Variants in AXDND1 observed in about 807,000 individuals in gnomAD.
AXDND1 encodes axonemal dynein light chain domain containing 1.
A neutral mutation model predicts 137.5 loss-of-function variants in AXDND1; 110 were observed. The ratio of observed to expected loss-of-function variants is 0.80; its 90% CI spans 0.69 to 0.94. AXDND1 has a LOEUF of 0.94. Ranked by LOEUF, AXDND1 falls within the 40% of genes least tolerant of loss-of-function variation. The pLI is 0.00. For missense variants in AXDND1, 1,191 were observed against 1,169.8 expected (o/e 1.02, Z -0.26); for synonymous variants, 414 against 399.7 (o/e 1.04, Z -0.43).
At chr1:179,453,243 G>A (rs1285384056) in intron 16 of AXDND1, 1 of 152,268 alleles carries the variant, frequency 6.6e-6, no homozygotes, top group African/African-American at 2.4e-5. Flanking sequence ...CCCACACAGA[G>A]TCTCTACTGG....
At chr1:179,551,443 A>T in intron 25 of AXDND1, 1 of 1,613,324 alleles carries the variant, frequency 6.2e-7, no homozygotes, top group East Asian at 2.2e-5. Context: ...CCGCTTCTGC[A>T]GCAATCATCT....
intron 23 of AXDND1, chr1:179,533,053 T>A (rs1671172579): frequency 6.6e-6 from 1 of 152,148 alleles, no homozygotes; most frequent in Non-Finnish European, 1.5e-5. Flanking sequence ...CGGATCATGC[T>A]GTGATTGTGG....
chr1:179,532,035 T>C (rs1330345496), intron 23 of AXDND1, among the ~76,000 whole-genome samples: 1 of 152,322 alleles, frequency 6.6e-6, no homozygotes, highest in South Asian at 2.1e-4. Flanking sequence ...ATATGGTTGA[T>C]GCATGGGGGA....
At chr1:179,478,350 A>G (rs578048336) in intron 17 of AXDND1, among the ~76,000 whole-genome samples, 2 of 152,350 alleles carry the variant, frequency 1.3e-5, no homozygotes, top group South Asian at 2.1e-4. Context: ...CTGCCTGGAC[A>G]TCCAGTCATT....
chr1:179,434,133 G>A (rs1657790865), intron 15 of AXDND1, among the ~76,000 whole-genome samples: 1 of 151,868 alleles, frequency 6.6e-6, no homozygotes, highest in South Asian at 2.1e-4. Flanking sequence ...TTTGATCTTT[G>A]TTGGTTTAAG....
chr1:179,411,118 T>G (rs773719814), intron 11 of AXDND1, 28 bp from the exon 12 acceptor site: 1 of 1,496,792 alleles, frequency 6.7e-7, no homozygotes, highest in Non-Finnish European at 9.1e-7. Context: ...ATAAATTAAA[T>G]GAAGCTGTTT....
At chr1:179,483,260 T>G (rs1255777539) in intron 18 of AXDND1, 39 bp downstream of exon 18, 2 of 1,445,638 alleles carry the variant, frequency 1.4e-6, no homozygotes, top group East Asian at 2.4e-5. Flanking sequence ...ATATTTTGCC[T>G]CGGCTGGCAA....
At chr1:179,385,487 C>A (rs144196620) in intron 9 of AXDND1, 128 bp downstream of exon 9, 2 of 1,080,944 alleles carry the variant, frequency 1.9e-6, no homozygotes, top group African/African-American at 1.6e-5. Context: ...AATCTAACTG[C>A]ATTTTTTTTT....
chr1:179,539,925 T>G (rs919175957), intron 25 of AXDND1, among the ~76,000 whole-genome samples: 3 of 151,990 alleles, frequency 2.0e-5, no homozygotes, highest in Non-Finnish European at 4.4e-5. Context: ...TCTTCTCTCT[T>G]TATTTTATTA....
In AXDND1 at chr1:179,394,059, A is replaced by G; in HGVS notation, c.1004+16A>G. ...AACTGACCAGGTAAAAACTGTGATTATCTTAAACACAAAACAAAAGTCAAT... is the reference window on the plus strand; with the variant it reads ...AACTGACCAGGTAAAAACTGTGATTGTCTTAAACACAAAACAAAAGTCAAT... On this transcript the variant is annotated intron_variant, in intron 10 of 25. Coordinates refer to ENST00000367618, the MANE Select transcript of AXDND1 (RefSeq NM_144696.6). 1 of 1,578,976 alleles carries G rather than the reference A, an allele frequency of 6.3e-7. No homozygotes were observed. The highest frequency in any genetic ancestry group is 8.6e-7 in the Non-Finnish European group (1 of 1,165,690).
intron 20 of AXDND1, among the ~76,000 whole-genome samples, chr1:179,504,362 C>T (rs1668325935): frequency 6.6e-6 from 1 of 152,118 alleles, no homozygotes; most frequent in Admixed American, 6.6e-5. Context: ...CTGATTTTGG[C>T]AGGCTGGACC....
chr1:179,442,238 C>G (rs1195724995), intron 15 of AXDND1, among the ~76,000 whole-genome samples: 1 of 152,142 alleles, frequency 6.6e-6, no homozygotes, highest in Non-Finnish European at 1.5e-5. Flanking sequence ...CACTTTTTAT[C>G]CTCCCTCTCC....
At chr1:179,504,449 G>C (rs573967551) in intron 20 of AXDND1, among the ~76,000 whole-genome samples, 12 of 152,210 alleles carry the variant, frequency 7.9e-5, no homozygotes, top group Admixed American at 2.6e-4. Context: ...AGTGGGTAGA[G>C]CTCTGTGTGG....
At chr1:179,541,442 G>T (rs975590760) in intron 25 of AXDND1, among the ~76,000 whole-genome samples, 4 of 150,228 alleles carry the variant, frequency 2.7e-5, no homozygotes, top group African/African-American at 7.4e-5. Flanking sequence ...GACTGGAGCT[G>T]TTCCTATTTG....
chr1:179,470,669 A>G (rs1663807665), intron 17 of AXDND1, among the ~76,000 whole-genome samples: 1 of 152,018 alleles, frequency 6.6e-6, no homozygotes, highest in South Asian at 2.1e-4. Flanking sequence ...ATTAGTTGCA[A>G]TAATTTTTTA....
intron 25 of AXDND1, among the ~76,000 whole-genome samples, chr1:179,548,340 G>T (rs1672836775): frequency 6.6e-6 from 1 of 152,178 alleles, no homozygotes; most frequent in Admixed American, 6.5e-5. Flanking sequence ...AACTCTGTGA[G>T]GTGGATCCTA....
At chr1:179,516,944 G>A (rs1007552305) in intron 21 of AXDND1, among the ~76,000 whole-genome samples, 10 of 152,216 alleles carry the variant, frequency 6.6e-5, no homozygotes, top group African/African-American at 2.4e-4. Context: ...CTGCCGGGAG[G>A]TGGCACTTTC....
At chr1:179,491,425 T>C in intron 18 of AXDND1, 113 bp from the exon 19 acceptor site, 4 of 704,576 alleles carry the variant, frequency 5.7e-6, no homozygotes, top group Non-Finnish European at 4.7e-6. Flanking sequence ...TTAAGAATTA[T>C]AATGTTGAAA....
chr1:179,464,592 T>C (rs4638077), intron 16 of AXDND1, among the ~76,000 whole-genome samples: 132,477 of 151,942 alleles, frequency 0.87, 57,877 homozygotes, highest in East Asian at 0.9. Context: ...AATTATGTGT[T>C]TTGGAGTTGC....
Sources: allele counts gnomAD v4.1 joint callset (sites outside exome capture counted in the v4.1 genomes callset), GRCh38; gene constraint gnomAD v4.1.1; transcripts MANE v1.5; gene names NCBI Gene and HGNC (gene_info 2026-07-23, HGNC 2026-07-21).